ADAMTSL3: variants seen among roughly 807,000 people sequenced by gnomAD.
ADAMTSL3 encodes ADAMTS-like protein 3.
A neutral mutation model predicts 201.7 loss-of-function variants in ADAMTSL3; 128 were observed. That is an observed-to-expected ratio of 0.63 (90% CI 0.55 to 0.73). The LOEUF is 0.73. ADAMTSL3 is among the 30% of genes least tolerant of loss of function. The pLI is 0.00. For missense variants in ADAMTSL3, 1,990 were observed against 2,119.6 expected (o/e 0.94, Z 1.20); for synonymous variants, 738 against 748.4 (o/e 0.99, Z 0.23).
chr15:83,811,187 G>A (rs1304886597), intron 5 of ADAMTSL3, among the ~76,000 whole-genome samples: 2 of 152,142 alleles, frequency 1.3e-5, no homozygotes, highest in Non-Finnish European at 2.9e-5. Flanking sequence ...TAACATAGTC[G>A]CAGGTTCCAG....
At chr15:83,988,322 G>A (rs898494205) in intron 21 of ADAMTSL3, among the ~76,000 whole-genome samples, 23 of 152,178 alleles carry the variant, frequency 1.5e-4, no homozygotes, top group African/African-American at 5.3e-4. Context: ...GAAGGATTCG[G>A]GCAGAAAAGG....
chr15:84,023,328 AT>A (rs1204385394), intron 26 of ADAMTSL3, among the ~76,000 whole-genome samples: 7 of 152,358 alleles, frequency 4.6e-5, no homozygotes, highest in Admixed American at 2.6e-4. Flanking sequence ...CATTTTACTG[AT>A]GAGAAACTGG....
chr15:83,954,154 T>A (rs2066808899), intron 19 of ADAMTSL3, among the ~76,000 whole-genome samples: 1 of 152,192 alleles, frequency 6.6e-6, no homozygotes, highest in Non-Finnish European at 1.5e-5. Context: ...CCTTTAAGAC[T>A]AATAACTCTT....
chr15:83,671,348 G>A (rs1595999940), intron 2 of ADAMTSL3, among the ~76,000 whole-genome samples: 1 of 152,206 alleles, frequency 6.6e-6, no homozygotes, highest in South Asian at 2.1e-4. Context: ...ACAATTGTTG[G>A]TGTGTTCGGG....
At chr15:84,005,291 C>A (rs1388658561) in intron 23 of ADAMTSL3, among the ~76,000 whole-genome samples, 1 of 152,180 alleles carries the variant, frequency 6.6e-6, no homozygotes, top group Non-Finnish European at 1.5e-5. Flanking sequence ...GCTATTTGTT[C>A]ATCTATATCC....
At chr15:83,799,933 A>G (rs985726338) in intron 4 of ADAMTSL3, among the ~76,000 whole-genome samples, 1 of 152,220 alleles carries the variant, frequency 6.6e-6, no homozygotes, top group South Asian at 2.1e-4. Flanking sequence ...TTAGGATTCC[A>G]ATGTCCTTAA....
intron 28 of ADAMTSL3, among the ~76,000 whole-genome samples, chr15:84,035,765 A>G (rs1400373802): frequency 2.6e-5 from 4 of 152,260 alleles, no homozygotes. Context: ...AAGGGAGAAC[A>G]GGGAGCATGC....
intron 18 of ADAMTSL3, 43 bp downstream of exon 18, chr15:83,942,831 T>C (rs1567252574): frequency 2.5e-6 from 4 of 1,606,968 alleles, no homozygotes; most frequent in Admixed American, 1.7e-5. Context: ...TGATTATGAC[T>C]GTGAGAGGCC....
chr15:83,984,799 A>G (rs1434187562), intron 21 of ADAMTSL3, among the ~76,000 whole-genome samples: 4 of 152,210 alleles, frequency 2.6e-5, no homozygotes, highest in Non-Finnish European at 4.4e-5. Context: ...TGGTATAATA[A>G]AAGAAGACAG....
At chr15:84,006,854 C>A (rs77715139) in intron 23 of ADAMTSL3, among the ~76,000 whole-genome samples, 221 of 152,182 alleles carry the variant, frequency 1.5e-3, no homozygotes, top group African/African-American at 5.2e-3. Flanking sequence ...GCTGAACAGA[C>A]CTGTGGGGTA....
chr15:84,004,503 G>A (rs558388862), intron 23 of ADAMTSL3, among the ~76,000 whole-genome samples: 66 of 152,262 alleles, frequency 4.3e-4, no homozygotes, highest in Non-Finnish European at 8.5e-4. Context: ...AGTAAACCAG[G>A]AGTAAACCAG....
At chr15:83,933,925 G>T (rs138126691) in intron 17 of ADAMTSL3, among the ~76,000 whole-genome samples, 1 of 152,224 alleles carries the variant, frequency 6.6e-6, no homozygotes. Context: ...CCTTTGCCTA[G>T]ATTTCAGAGG....
intron 6 of ADAMTSL3, among the ~76,000 whole-genome samples, chr15:83,823,535 C>T (rs974785886): frequency 1.1e-4 from 16 of 152,302 alleles, no homozygotes; most frequent in Admixed American, 3.3e-4. Flanking sequence ...TCCATTGCCA[C>T]GTCCTGTCAA....
chr15:84,020,711 C>T (rs1394537369), intron 25 of ADAMTSL3, among the ~76,000 whole-genome samples: 1 of 152,180 alleles, frequency 6.6e-6, no homozygotes, highest in South Asian at 2.1e-4. Context: ...CATGTCCTAC[C>T]TCATCTTTTG....
chr15:83,941,401 G>T (rs1337717537), intron 17 of ADAMTSL3, among the ~76,000 whole-genome samples: 3 of 151,606 alleles, frequency 2.0e-5, no homozygotes, highest in African/African-American at 7.3e-5. Flanking sequence ...AAAAATCAGA[G>T]AAAAAATCAG....
intron 8 of ADAMTSL3, among the ~76,000 whole-genome samples, chr15:83,859,442 G>A (rs909957022): frequency 3.3e-5 from 5 of 152,198 alleles, no homozygotes; most frequent in African/African-American, 1.2e-4. Context: ...CTCTGTGCCG[G>A]TGGATCCATT....
In ADAMTSL3 at chr15:83,833,819, G is replaced by A. The variant is rs549570632; in HGVS notation, c.601-4270G>A. Among the ~76,000 whole-genome samples the A allele has an allele frequency of 6.6e-5, 10 of 152,258 alleles. No individual in the cohort carries two copies. The East Asian group carries it at 1.9e-3, about 29-fold the overall frequency. Reference sequence around the variant, plus strand: ...AGTCACATTGGCTGGTGACTGTAGTGGTGAACTGGAGGATACATGCTCATT... The same window carrying A: ...AGTCACATTGGCTGGTGACTGTAGTAGTGAACTGGAGGATACATGCTCATT... On this transcript the variant is annotated intron_variant, in intron 6 of 29. Coordinates refer to ENST00000286744, the MANE Select transcript of ADAMTSL3 (RefSeq NM_207517.3).
At chr15:83,786,657 A>G (rs548873608) in intron 4 of ADAMTSL3, among the ~76,000 whole-genome samples, 1 of 151,936 alleles carries the variant, frequency 6.6e-6, no homozygotes, top group East Asian at 1.9e-4. Context: ...TGCCGCTTTT[A>G]TGTGTCTGTT....
intron 2 of ADAMTSL3, among the ~76,000 whole-genome samples, chr15:83,658,912 C>T (rs1357445421): frequency 1.3e-5 from 2 of 152,104 alleles, no homozygotes; most frequent in Non-Finnish European, 2.9e-5. Context: ...CTTATCTGTT[C>T]ACTAATTTAA....
Sources: gnomAD v4.1 joint callset for allele counts (sites outside exome capture counted in the v4.1 genomes callset) on GRCh38, gnomAD v4.1.1 for gene constraint, MANE v1.5 for transcripts, NCBI Gene and HGNC (gene_info 2026-07-23, HGNC 2026-07-21) for gene names.